FOXP1: variants seen among roughly 807,000 people sequenced by gnomAD.
FOXP1 encodes forkhead box protein P1.
A neutral mutation model predicts 98.2 loss-of-function variants in FOXP1; 15 were observed. The ratio of observed to expected loss-of-function variants is 0.15; its 90% CI spans 0.10 to 0.24. The LOEUF is 0.24. FOXP1 is among the 10% of genes least tolerant of loss of function. FOXP1 has a pLI of 1.00. For synonymous variants in FOXP1, 371 were observed against 314.5 expected (o/e 1.18, Z -1.90); for missense variants, 633 against 848.5 (o/e 0.75, Z 3.15).
intron 3 of FOXP1, among the ~76,000 whole-genome samples, chr3:71,389,254 C>CGGGGGGGGGGG (rs1560413261): frequency 1.6e-4 from 1 of 6,062 alleles, no homozygotes; most frequent in Non-Finnish European, 3.3e-4. Context: ...GGGGGGGGGC[C>CGGGGGGGGGGG]GGGGGGGGCG....
chr3:71,249,972 A>G (rs2068053844), intron 5 of FOXP1, among the ~76,000 whole-genome samples: 1 of 152,168 alleles, frequency 6.6e-6, no homozygotes, highest in Non-Finnish European at 1.5e-5. Flanking sequence ...CACCAATATT[A>G]TATCCAGAAC....
chr3:71,134,610 G>T (rs2059729418), intron 6 of FOXP1, among the ~76,000 whole-genome samples: 1 of 152,258 alleles, frequency 6.6e-6, no homozygotes, highest in Admixed American at 6.5e-5. Flanking sequence ...TTATTTTAAG[G>T]TTAAGCTGGG....
intron 3 of FOXP1, among the ~76,000 whole-genome samples, chr3:71,489,599 C>T (rs1027180471): frequency 5.9e-5 from 9 of 152,204 alleles, no homozygotes; most frequent in Admixed American, 5.9e-4. Context: ...CTGTGATGTG[C>T]ATCCTATAGG....
chr3:71,105,998 A>C (rs904882346), intron 7 of FOXP1, among the ~76,000 whole-genome samples: 2 of 152,212 alleles, frequency 1.3e-5, no homozygotes, highest in Non-Finnish European at 2.9e-5. Flanking sequence ...AAAGAGAGGC[A>C]ATAATTAACC....
At chr3:71,008,873 T>C (rs953609257) in intron 12 of FOXP1, among the ~76,000 whole-genome samples, 2 of 151,982 alleles carry the variant, frequency 1.3e-5, no homozygotes, top group African/African-American at 4.8e-5. Context: ...AAAAAAAATA[T>C]GCTTCAGTTT....
At chr3:70,966,136 A>G in intron 19 of FOXP1, 80 bp from the exon 20 acceptor site, 1 of 1,199,140 alleles carries the variant, frequency 8.3e-7, no homozygotes, top group Non-Finnish European at 1.2e-6. Context: ...TGTACTCGAT[A>G]ATCTTCAGTT....
Position 71,120,241 on chromosome 3 carries a change from C to T in FOXP1, c.181-7604G>A, listed in dbSNP as rs2058663734. 2.0e-5 allele frequency among the ~76,000 whole-genome samples: 3 copies of T among 152,158 alleles called. No individual in the cohort carries two copies. In the South Asian group the frequency reaches 6.2e-4, roughly 32 times the overall value. ...TGCAAATAAGGGTGTGGACTCTGAACATTCATTGGTAGTAAATTCACTTGA... is the reference window on the plus strand; with the variant it reads ...TGCAAATAAGGGTGTGGACTCTGAATATTCATTGGTAGTAAATTCACTTGA... On this transcript the variant is annotated intron_variant, in intron 6 of 20. Transcript: ENST00000649528.
At chr3:71,476,799 G>A (rs896877703) in intron 3 of FOXP1, among the ~76,000 whole-genome samples, 4 of 151,766 alleles carry the variant, frequency 2.6e-5, no homozygotes, top group African/African-American at 7.3e-5. Context: ...CCACTGCGCC[G>A]GGCCGCATTG....
At chr3:70,978,409 C>A (rs1027499200) in intron 14 of FOXP1, among the ~76,000 whole-genome samples, 2 of 152,154 alleles carry the variant, frequency 1.3e-5, no homozygotes, top group South Asian at 2.1e-4. Context: ...CTTAGCAATA[C>A]CAGTGAAGCT....
chr3:71,341,845 A>G (rs1005765930), intron 4 of FOXP1, among the ~76,000 whole-genome samples: 2 of 152,256 alleles, frequency 1.3e-5, no homozygotes, highest in Non-Finnish European at 2.9e-5. Context: ...ATTTTCACTC[A>G]GTAAAGACAA....
At chr3:71,025,513 T>C (rs1354398565) in intron 11 of FOXP1, among the ~76,000 whole-genome samples, 1 of 152,150 alleles carries the variant, frequency 6.6e-6, no homozygotes, top group Non-Finnish European at 1.5e-5. Context: ...CATAGATAAA[T>C]ATGTAAGGGG....
intron 1 of FOXP1, chr3:71,582,086 T>A (rs2048222849): frequency 1.0e-6 from 1 of 962,006 alleles, no homozygotes; most frequent in South Asian, 4.9e-5. Flanking sequence ...AATGGGGGGC[T>A]GCAGGCAGCG....
At chr3:71,230,484 G>A (rs2066197064) in intron 5 of FOXP1, among the ~76,000 whole-genome samples, 1 of 152,026 alleles carries the variant, frequency 6.6e-6, no homozygotes, top group Non-Finnish European at 1.5e-5. Context: ...AACAGGAGGG[G>A]GTTAAATGCA....
intron 2 of FOXP1, among the ~76,000 whole-genome samples, chr3:71,566,349 G>C (rs1161366141): frequency 2.6e-5 from 4 of 152,182 alleles, no homozygotes; most frequent in Non-Finnish European, 4.4e-5. Flanking sequence ...ATGGTGAGCT[G>C]TCCTGAGCCA....
intron 5 of FOXP1, among the ~76,000 whole-genome samples, chr3:71,297,640 G>A (rs1472293191): frequency 7.9e-6 from 1 of 127,122 alleles, no homozygotes; most frequent in South Asian, 2.5e-4. Context: ...TTTTCAGACA[G>A]AGTCTCCTTC....
intron 2 of FOXP1, among the ~76,000 whole-genome samples, chr3:71,531,460 C>G (rs1238577370): frequency 1.3e-5 from 2 of 152,102 alleles, no homozygotes; most frequent in Admixed American, 1.3e-4. Flanking sequence ...ATTGCCAGTC[C>G]ACCCTGGTTT....
At position 71,388,369 on chromosome 3, in the gene FOXP1, T is replaced by C. The variant is rs116396447; in HGVS notation, c.-167-29125A>G. 2.8e-3 allele frequency among the ~76,000 whole-genome samples: 422 copies of C among 152,342 alleles called. 4 individuals carry two copies. The highest frequency in any genetic ancestry group is 9.5e-3 in the African/African-American group (396 of 41,574). ...GGCTTTCTACTAATGAAGAAAATTA[T>C]AGTTTAGTGCACGTTCCGCAGCTCG... On this transcript the variant is annotated intron_variant, in intron 3 of 20. Transcript: ENST00000649528.
At chr3:71,303,386 G>C (rs1439664035) in intron 4 of FOXP1, among the ~76,000 whole-genome samples, 1 of 152,130 alleles carries the variant, frequency 6.6e-6, no homozygotes, top group Non-Finnish European at 1.5e-5. Flanking sequence ...TCTATGGCTA[G>C]AGGACACTTT....
intron 3 of FOXP1, among the ~76,000 whole-genome samples, chr3:71,370,462 C>T (rs2079216109): frequency 6.6e-6 from 1 of 152,148 alleles, no homozygotes; most frequent in Admixed American, 6.5e-5. Flanking sequence ...CCCAACTCCT[C>T]CTTTAGAAAT....
Sources: gnomAD v4.1 joint callset for allele counts (sites outside exome capture counted in the v4.1 genomes callset) on GRCh38, gnomAD v4.1.1 for gene constraint, MANE v1.5 for transcripts, NCBI Gene and HGNC (gene_info 2026-07-23, HGNC 2026-07-21) for gene names.